CYYR1: variants seen among roughly 807,000 people sequenced by gnomAD.
The protein encoded by CYYR1 is cysteine and tyrosine-rich protein 1.
Under a neutral mutation model 15.2 loss-of-function variants are expected in CYYR1, and 14 were observed. The ratio of observed to expected loss-of-function variants is 0.92; its 90% CI spans 0.61 to 1.44. CYYR1 has a LOEUF of 1.44. Ranked by LOEUF, CYYR1 falls within the 40% of genes most tolerant of loss-of-function variation. The probability of loss-of-function intolerance (pLI) is 0.00; values close to 1 mark genes in which losing one functional copy is unlikely to be tolerated. For missense variants in CYYR1, 228 were observed against 209.5 expected, an observed-to-expected ratio of 1.09 and a Z score of -0.54; for synonymous variants, 80 against 77.4, an observed-to-expected ratio of 1.03 and a Z score of -0.18.
chr21:26,541,251 A>G (rs1978530791), intron 2 of CYYR1, among the ~76,000 whole-genome samples: 1 of 152,174 alleles, frequency 6.6e-6, no homozygotes, highest in African/African-American at 2.4e-5. Context: ...CCCATTTTAC[A>G]GACTCAAAAA....
In CYYR1 at chr21:26,543,676, C is replaced by T. The variant is rs111247068; in HGVS notation, c.176+22590G>A. Among the ~76,000 whole-genome samples the T allele has an allele frequency of 3.6e-3, 553 of 152,170 alleles. 3 individuals are homozygous for T. The highest frequency in any genetic ancestry group is 0.012 in the African/African-American group (509 of 41,538). ...ATCCCAGCACTTTGGGAGGCCGAGG[C>T]GGGTGGATCACCTGAGGTCCGGAGT... On this transcript the variant is annotated intron_variant, in intron 2 of 3. Transcript: ENST00000652641.
At chr21:26,534,610 CCTTGCACTATAGACTGCCATGACT>C (rs551816904) in intron 2 of CYYR1, among the ~76,000 whole-genome samples, 72 of 152,238 alleles carry the variant, frequency 4.7e-4, no homozygotes, top group African/African-American at 1.6e-3. Flanking sequence ...CACTTAACCA[CCTTGCACTATAGACTGCCATGACT>C]CTCATGGACA....
At chr21:26,547,702 C>A (rs1452799874) in intron 2 of CYYR1, among the ~76,000 whole-genome samples, 1 of 152,062 alleles carries the variant, frequency 6.6e-6, no homozygotes, top group Non-Finnish European at 1.5e-5. Context: ...AAAGGAAAAG[C>A]TTTTCCTTGG....
chr21:26,537,694 G>A (rs1978317858), intron 2 of CYYR1, among the ~76,000 whole-genome samples: 1 of 152,122 alleles, frequency 6.6e-6, no homozygotes, highest in Admixed American at 6.6e-5. Context: ...TTTCAGGCTG[G>A]TAAGTAGAAA....
chr21:26,573,115 C>A lies in CYYR1; in HGVS notation c.-175G>T. ...AGCCCGGGCCGGGCGCGTCCCGGGC[C>A]AGCGACTGCGGGACTCCGCGGAGCT... On this transcript the variant is annotated 5_prime_UTR_variant, in exon 1 of 4. Transcript: ENST00000652641. 6.6e-7 allele frequency: 1 copy of A among 1,510,854 alleles called. No individual in the cohort carries two copies. 93.6% of individuals were successfully genotyped at this position (1,510,854 alleles called of 1,614,324 possible). A position where few individuals can be genotyped will look rare whatever the true frequency, so the allele number is the denominator to read the frequency against.
At chr21:26,514,002 A>T (rs910868962) in intron 2 of CYYR1, among the ~76,000 whole-genome samples, 1 of 151,798 alleles carries the variant, frequency 6.6e-6, no homozygotes, top group Non-Finnish European at 1.5e-5. Flanking sequence ...AACATGGCAC[A>T]TGTATACATA....
At chr21:26,567,873 A>G (rs1379960318) in intron 1 of CYYR1, 1 of 152,236 alleles carries the variant, frequency 6.6e-6, no homozygotes, top group Non-Finnish European at 1.5e-5. Flanking sequence ...AAGTTCAGTC[A>G]CCATTAACAA....
At position 26,467,218 on chromosome 21, in the gene CYYR1, A is replaced by G. The variant is rs1189666359; in HGVS notation, c.*1283T>C. 6.6e-6 allele frequency: 1 copy of G among 152,188 alleles called. No homozygotes were observed. Among genetic ancestry groups the G allele is most frequent in the Non-Finnish European group, 1.5e-5 (1 of 68,030 alleles). The allele number at this position is 152,188 out of a possible 1,614,324, so 9.4% of individuals were successfully genotyped here. On this transcript the variant is annotated 3_prime_UTR_variant, in exon 4 of 4. Coordinates refer to ENST00000652641, the MANE Select transcript of CYYR1 (RefSeq NM_001320768.2). The stretch of plus-strand genomic sequence containing the variant: ...AATATACAATTTTTATAAATACATG[A>G]AACAATTCATATAAAAATATAAATG...
chr21:26,542,356 A>G (rs934368822), intron 2 of CYYR1, among the ~76,000 whole-genome samples: 1 of 151,838 alleles, frequency 6.6e-6, no homozygotes, highest in Non-Finnish European at 1.5e-5. Flanking sequence ...GAATGCAAAC[A>G]TCATTTAAAT....
intron 1 of CYYR1, among the ~76,000 whole-genome samples, chr21:26,567,233 C>T (rs1054924581): frequency 3.3e-5 from 5 of 152,042 alleles, no homozygotes; most frequent in African/African-American, 4.8e-5. Flanking sequence ...AGTCTGCATC[C>T]TGTAAATTCA....
intron 1 of CYYR1, 109 bp downstream of exon 1, chr21:26,572,759 G>A: frequency 7.5e-7 from 1 of 1,335,866 alleles, no homozygotes. Flanking sequence ...GTCTGCAAAG[G>A]TCCTTCTGCA....
intron 2 of CYYR1, among the ~76,000 whole-genome samples, chr21:26,557,135 C>G (rs574632297): frequency 1.3e-5 from 2 of 152,242 alleles, no homozygotes; most frequent in East Asian, 3.9e-4. Flanking sequence ...ACATAGGTCA[C>G]AAGGACTATT....
At chr21:26,509,239 A>C (rs1290934003) in intron 2 of CYYR1, among the ~76,000 whole-genome samples, 2 of 152,076 alleles carry the variant, frequency 1.3e-5, no homozygotes, top group Non-Finnish European at 2.9e-5. Context: ...GCTGCTCCTA[A>C]AACATCAAAT....
At chr21:26,508,584 G>C (rs1047799761) in intron 2 of CYYR1, among the ~76,000 whole-genome samples, 1 of 152,170 alleles carries the variant, frequency 6.6e-6, no homozygotes, top group African/African-American at 2.4e-5. Context: ...TAGGAATGAA[G>C]AATGATTTTA....
chr21:26,502,073 A>G (rs1429815026), intron 2 of CYYR1, among the ~76,000 whole-genome samples: 1 of 152,186 alleles, frequency 6.6e-6, no homozygotes, highest in African/African-American at 2.4e-5. Flanking sequence ...ACATCCTAAA[A>G]TATTTCATTC....
chr21:26,526,988 T>G (rs1475061732), intron 2 of CYYR1, among the ~76,000 whole-genome samples: 1 of 152,214 alleles, frequency 6.6e-6, no homozygotes, highest in East Asian at 1.9e-4. Flanking sequence ...CAAGCTATGT[T>G]AAGCACTTAT....
At chr21:26,500,167 A>G (rs1164666198) in intron 2 of CYYR1, among the ~76,000 whole-genome samples, 1 of 152,108 alleles carries the variant, frequency 6.6e-6, no homozygotes, top group Non-Finnish European at 1.5e-5. Flanking sequence ...TAATCCCATC[A>G]TGGTGGGGGA....
At chr21:26,493,640 A>C (rs2123451706) in intron 2 of CYYR1, among the ~76,000 whole-genome samples, 1 of 152,262 alleles carries the variant, frequency 6.6e-6, no homozygotes, top group South Asian at 2.1e-4. Flanking sequence ...TGTGTGTGAA[A>C]TTTTAAGGTA....
chr21:26,513,266 T>A (rs1418177615), intron 2 of CYYR1, among the ~76,000 whole-genome samples: 2 of 152,224 alleles, frequency 1.3e-5, no homozygotes, highest in Admixed American at 6.5e-5. Context: ...CATTTCATAT[T>A]GCCTACTATC....
Sources: allele counts gnomAD v4.1 joint callset (sites outside exome capture counted in the v4.1 genomes callset), GRCh38; gene constraint gnomAD v4.1.1; transcripts MANE v1.5; gene names NCBI Gene and HGNC (gene_info 2026-07-23, HGNC 2026-07-21).